The following PSMA2 variants were observed in gnomAD, a reference collection of about 807,000 sequenced individuals.
PSMA2 encodes proteasome subunit alpha type-2.
PSMA2 carries 2 observed loss-of-function variants against 35.9 expected under a neutral mutation model. That is an observed-to-expected ratio of 0.06 (90% CI 0.02 to 0.18). The LOEUF is 0.18. PSMA2 is among the 10% of genes least tolerant of loss of function. PSMA2 has a pLI of 1.00. For synonymous variants in PSMA2, 97 were observed against 98.2 expected, an observed-to-expected ratio of 0.99 and a Z score of 0.07; for missense variants, 126 against 278.8, an observed-to-expected ratio of 0.45 and a Z score of 3.90.
At chr7:42,925,574 T>C (rs772458957) in intron 3 of PSMA2, among the ~76,000 whole-genome samples, 7 of 152,258 alleles carry the variant, frequency 4.6e-5, no homozygotes, top group African/African-American at 1.2e-4. Flanking sequence ...ATACCCAGCA[T>C]GACCCTGTCT....
chr7:42,921,638 T>C (rs1253872646), intron 6 of PSMA2: 4 of 371,460 alleles, frequency 1.1e-5, no homozygotes, highest in Non-Finnish European at 1.9e-5. Flanking sequence ...CCATAGAATG[T>C]AGAAAGAGAA....
At chr7:42,926,786 T>C (rs1786224049) in intron 2 of PSMA2, 118 bp from the exon 3 acceptor site, 1 of 1,218,574 alleles carries the variant, frequency 8.2e-7, no homozygotes. Flanking sequence ...TATAAAACCT[T>C]TTCTTCCGGA....
At chr7:42,926,422 CAAA>C in intron 3 of PSMA2, 111 bp downstream of exon 3, 1 of 1,295,856 alleles carries the variant, frequency 7.7e-7, no homozygotes, top group Non-Finnish European at 1.0e-6. Context: ...ACAAAGCACA[CAAA>C]AAAAGAGGAA....
intron 6 of PSMA2, chr7:42,921,558 C>CT (rs893320855): frequency 1.0e-4 from 23 of 226,784 alleles, no homozygotes; most frequent in Admixed American, 4.5e-4. Flanking sequence ...ATTCAATGTT[C>CT]TTTTTTTTCC....
At position 42,927,300 on chromosome 7, in the gene PSMA2, T is replaced by A. The variant is rs997879823; in HGVS notation, c.118+83A>T. The A allele has an allele frequency of 2.5e-6, 3 of 1,215,942 alleles. No homozygotes were observed. The African/African-American group carries it at 4.6e-5, about 19-fold the overall frequency. 75.3% of individuals were successfully genotyped at this position (1,215,942 alleles called of 1,614,324 possible). ...GTTAAAAATTATACTGCTGCAGCTCTGTATAAATTAATTACTAATGAATTC... is the reference window on the plus strand; with the variant it reads ...GTTAAAAATTATACTGCTGCAGCTCAGTATAAATTAATTACTAATGAATTC... On this transcript the variant is annotated intron_variant, in intron 2 of 7. Coordinates refer to ENST00000223321, the MANE Select transcript of PSMA2 (RefSeq NM_002787.5).
chr7:42,924,744 T>A lies in PSMA2; in HGVS notation c.305A>T (p.Gln102Leu). The A allele has an allele frequency of 6.2e-7, 1 of 1,613,468 alleles. No homozygotes were observed. The highest frequency in any genetic ancestry group is 8.5e-7 in the Non-Finnish European group (1 of 1,179,560). Reference sequence around the variant, plus strand: ...CAGCTGAGCTGTAGGAATGGGTTCTTGGTACACAAGATAGTATTGTTGAGC... The same window carrying A: ...CAGCTGAGCTGTAGGAATGGGTTCTAGGTACACAAGATAGTATTGTTGAGC... ...KLAQQYYLVY[Q>L]EPIPTAQLVQ... The change falls in exon 4 of 8, where the codon CAA becomes CTA. Residue 102 changes from glutamine (Q) to leucine (L), a missense_variant. Gln to Leu is a moderately radical substitution (Grantham distance 113). This residue lies in a region of PSMA2 where 78 missense variants were observed against 151.1 expected (regional missense o/e 0.52). Coordinates refer to ENST00000223321, the MANE Select transcript of PSMA2 (RefSeq NM_002787.5).
chr7:42,927,577 A>C lies in PSMA2; in HGVS notation c.42-118T>G. 5 of 971,074 alleles carry C rather than the reference A, an allele frequency of 5.1e-6. No individual in the cohort carries two copies. The South Asian group carries it at 7.3e-5, about 14-fold the overall frequency. 60.2% of individuals were successfully genotyped at this position (971,074 alleles called of 1,614,324 possible). A position where few individuals can be genotyped will look rare whatever the true frequency, so the allele number is the denominator to read the frequency against. On this transcript the variant is annotated intron_variant, in intron 1 of 7. Transcript: ENST00000223321. ...CCAATTTATCCAACTCCAGGGAGTA[A>C]CTGGCCTTTGACCTCTATCATGAAG...
chr7:42,927,835 G>A (rs1206169200), intron 1 of PSMA2, among the ~76,000 whole-genome samples: 1 of 151,938 alleles, frequency 6.6e-6, no homozygotes, highest in Non-Finnish European at 1.5e-5. Context: ...GAATCCGGGA[G>A]GTGGAGGTTG....
At chr7:42,922,393 TAA>T (rs1786140121) in intron 5 of PSMA2, among the ~76,000 whole-genome samples, 1 of 152,080 alleles carries the variant, frequency 6.6e-6, no homozygotes. Context: ...ATTAGTGAAT[TAA>T]AAAGAGAGCA....
chr7:42,929,287 G>A lies in PSMA2; in HGVS notation c.42-1828C>T, dbSNP rs189033751. 1.7e-3 allele frequency among the ~76,000 whole-genome samples: 256 copies of A among 152,232 alleles called. 2 individuals are homozygous for A. In the South Asian group the frequency reaches 0.022, roughly 13 times the overall value. ...ACTGACATTTAAATTAAAAAATTAGGCTGAACTTTTCCTTTAATAGTCACT... is the reference window on the plus strand; with the variant it reads ...ACTGACATTTAAATTAAAAAATTAGACTGAACTTTTCCTTTAATAGTCACT... On this transcript the variant is annotated intron_variant, in intron 1 of 7. Coordinates refer to ENST00000223321, the MANE Select transcript of PSMA2 (RefSeq NM_002787.5).
intron 1 of PSMA2, among the ~76,000 whole-genome samples, chr7:42,927,920 GAA>G (rs1473705471): frequency 3.3e-5 from 5 of 151,250 alleles, no homozygotes; most frequent in South Asian, 2.1e-4. Flanking sequence ...AAAAAAAAGA[GAA>G]AGACAGAAAG....
intron 6 of PSMA2, chr7:42,920,162 C>T: frequency 5.4e-6 from 2 of 368,790 alleles, no homozygotes; most frequent in South Asian, 3.2e-5. Flanking sequence ...CATCAGCCTT[C>T]CAGAGTTACT....
chr7:42,917,540 A>T lies in PSMA2; in HGVS notation c.*34T>A, dbSNP rs1187697861. The T allele has an allele frequency of 6.7e-7, 1 of 1,483,546 alleles. No homozygotes were observed. 91.9% of individuals were successfully genotyped at this position (1,483,546 alleles called of 1,614,324 possible). Reference sequence around the variant, plus strand: ...TTAAACATGTTTAAGTAGATAGATTATCTGAAATTCTGGATTTTTCAGTCA... The same window carrying T: ...TTAAACATGTTTAAGTAGATAGATTTTCTGAAATTCTGGATTTTTCAGTCA... On this transcript the variant is annotated 3_prime_UTR_variant, in exon 8 of 8. Coordinates refer to ENST00000223321, the MANE Select transcript of PSMA2 (RefSeq NM_002787.5).
In PSMA2 at chr7:42,917,780, T is replaced by G; in HGVS notation, c.586A>C (p.Lys196Gln). 6.2e-7 allele frequency: 1 copy of G among 1,611,446 alleles called. No individual in the cohort carries two copies. Among genetic ancestry groups the G allele is most frequent in the South Asian group, 1.1e-5 (1 of 90,742 alleles). ...CAGTTGTTGAATACTGAGCTAACCT[T>G]TAGGGTTAAGATGGCTGTATGAATG... ...DAIHTAILTL[K>Q]ESFEGQMTED... The change falls in exon 7 of 8, where the codon AAG (lysine) becomes CAG (glutamine). Residue 196 changes from lysine (K) to glutamine (Q), a missense_variant and splice_region_variant. Coordinates refer to ENST00000223321, the MANE Select transcript of PSMA2 (RefSeq NM_002787.5).
intron 1 of PSMA2, chr7:42,931,242 C>A: frequency 2.4e-6 from 1 of 409,358 alleles, no homozygotes; most frequent in Non-Finnish European, 4.9e-6. Context: ...CAAGTTAGAT[C>A]CCGCCTGCCT....
rs753748768 is a variant in PSMA2, at chr7:42,926,671, TAAAA to T, written c.119-7_119-4del. On this transcript the variant is annotated splice_polypyrimidine_tract_variant and splice_region_variant and intron_variant, in intron 2 of 7. Coordinates refer to ENST00000223321, the MANE Select transcript of PSMA2 (RefSeq NM_002787.5). ...TGCTAATACCACACCATTTGCAGCT[TAAAA>T]AAAAAGAGAGAGACATAAATGTTTA... 24 of 1,567,458 alleles carry T rather than the reference TAAAA, an allele frequency of 1.5e-5. No homozygotes were observed. The highest frequency in any genetic ancestry group is 1.9e-5 in the Non-Finnish European group (22 of 1,159,354).
intron 6 of PSMA2, chr7:42,920,692 G>A (rs1786113516): frequency 6.6e-6 from 1 of 152,134 alleles, no homozygotes; most frequent in Admixed American, 6.5e-5. Context: ...AGTGCTTTAA[G>A]AGCCTAAGAT....
intron 4 of PSMA2, 43 bp from the exon 5 acceptor site, chr7:42,923,449 T>C: frequency 1.4e-6 from 2 of 1,477,166 alleles, no homozygotes; most frequent in African/African-American, 2.8e-5. Flanking sequence ...TTTCATGGTG[T>C]TAAAGTCATC....
intron 1 of PSMA2, among the ~76,000 whole-genome samples, chr7:42,930,777 G>T (rs1254288798): frequency 1.3e-5 from 2 of 151,710 alleles, no homozygotes; most frequent in Non-Finnish European, 2.9e-5. Context: ...GAGGCAGGAG[G>T]ATCCCTTGAG....
Sources: gnomAD v4.1 joint callset for allele counts (sites outside exome capture counted in the v4.1 genomes callset) on GRCh38, gnomAD v4.1.1 for gene constraint, gnomAD v4.1.1 regional missense constraint, MANE v1.5 for transcripts, NCBI Gene and HGNC (gene_info 2026-07-23, HGNC 2026-07-21) for gene names.